The following TPCN2 variants were observed in gnomAD, a reference collection of about 807,000 sequenced individuals.
TPCN2 encodes the protein two pore channel protein 2.
TPCN2 carries 92 observed loss-of-function variants against 111.4 expected under a neutral mutation model. That is an observed-to-expected ratio of 0.83 (90% CI 0.70 to 0.98). TPCN2 has a LOEUF of 0.98. Ranked by LOEUF, TPCN2 falls within the 50% of genes least tolerant of loss-of-function variation. TPCN2 has a pLI of 0.00. For missense variants in TPCN2, 995 were observed against 980.1 expected (o/e 1.02, Z -0.20); for synonymous variants, 405 against 414.5 (o/e 0.98, Z 0.28).
intron 13 of TPCN2, among the ~76,000 whole-genome samples, chr11:69,074,757 G>T (rs1855682287): frequency 6.6e-6 from 1 of 152,158 alleles, no homozygotes; most frequent in Admixed American, 6.5e-5. Flanking sequence ...ATGACTAAAG[G>T]GGCAGGCAGA....
intron 9 of TPCN2, among the ~76,000 whole-genome samples, chr11:69,071,007 T>C (rs1250778214): frequency 9.1e-6 from 1 of 109,418 alleles, no homozygotes; most frequent in African/African-American, 3.6e-5. Context: ...CACCAACAGC[T>C]TCACCCCGGG....
chr11:69,055,433 C>G (rs1854712463), intron 4 of TPCN2, 81 bp downstream of exon 4: 4 of 1,365,208 alleles, frequency 2.9e-6, no homozygotes, highest in South Asian at 1.4e-5. Flanking sequence ...ATTGCTGATT[C>G]TCTGGAGTGA....
Position 69,085,856 on chromosome 11 carries a change from G to T in TPCN2, c.1929G>T (p.Leu643=). ...ANNFDDFAAA[L]VTLWNLMVVN... is the part of the protein sequence containing the mutation. ...GGTCTCTGCCCCCGCAGGCTGCCCT[G>T]GTCACTCTGTGGAACTTGATGGTGG... The change falls in exon 22 of 25, where the codon CTG becomes CTT. Residue 643 remains leucine, a synonymous_variant. Coordinates refer to ENST00000294309, the MANE Select transcript of TPCN2 (RefSeq NM_139075.4). 6.2e-7 allele frequency: 1 copy of T among 1,614,140 alleles called. No homozygotes were observed. Among genetic ancestry groups the T allele is most frequent in the Non-Finnish European group, 8.5e-7 (1 of 1,179,994 alleles).
intron 5 of TPCN2, among the ~76,000 whole-genome samples, chr11:69,059,089 C>T (rs1001912201): frequency 2.6e-5 from 4 of 152,252 alleles, no homozygotes; most frequent in African/African-American, 9.6e-5. Flanking sequence ...CCGCCAGCTC[C>T]CCACCTGGCC....
At chr11:69,085,452 C>T (rs1045857738) in intron 20 of TPCN2, among the ~76,000 whole-genome samples, 166 bp downstream of exon 20, 1 of 152,074 alleles carries the variant, frequency 6.6e-6, no homozygotes, top group Non-Finnish European at 1.5e-5. Context: ...CAATTTCCAC[C>T]TCCGCTCCGC....
intron 5 of TPCN2, among the ~76,000 whole-genome samples, chr11:69,060,280 G>A (rs1332961430): frequency 1.3e-5 from 2 of 152,230 alleles, no homozygotes; most frequent in Non-Finnish European, 2.9e-5. Flanking sequence ...TCTTGATGGA[G>A]GCTGAAATGT....
intron 1 of TPCN2, among the ~76,000 whole-genome samples, chr11:69,049,556 G>A (rs897515818): frequency 7.2e-5 from 11 of 152,248 alleles, no homozygotes; most frequent in African/African-American, 2.4e-4. Flanking sequence ...CTCACAGAGA[G>A]GCGTTACCCT....
Position 69,079,026 on chromosome 11 carries a change from G to A in TPCN2, c.1539+6G>A. ...TCCTCACCGTTGTCCTGCTGGTAAA[G>A]TAGGCGCATCCGAGGCCGGCCTCTA... On this transcript the variant is annotated splice_donor_region_variant and intron_variant, in intron 16 of 24. Transcript: ENST00000294309. The A allele has an allele frequency of 2.5e-6, 4 of 1,606,622 alleles. No individual in the cohort carries two copies. The highest frequency in any genetic ancestry group is 3.4e-6 in the Non-Finnish European group (4 of 1,176,064).
intron 7 of TPCN2, among the ~76,000 whole-genome samples, chr11:69,065,680 G>A (rs377077275): frequency 2.6e-5 from 4 of 152,290 alleles, no homozygotes; most frequent in Admixed American, 6.5e-5. Context: ...TTGTGAGTGC[G>A]GTCCAGAGCC....
At chr11:69,087,809 C>G (rs1856344567) in intron 24 of TPCN2, 66 bp from the exon 25 acceptor site, 1 of 1,364,212 alleles carries the variant, frequency 7.3e-7, no homozygotes, top group South Asian at 1.2e-5. Context: ...CTCCCTTGTT[C>G]TTGTGGGCAG....
chr11:69,084,097 G>A (rs988665133), intron 19 of TPCN2, 81 bp downstream of exon 19: 7 of 1,388,678 alleles, frequency 5.0e-6, no homozygotes, highest in African/African-American at 1.4e-5. Flanking sequence ...GTGCCGGGCC[G>A]GCTCACTGCT....
At chr11:69,067,075 G>T (rs1412372784) in intron 7 of TPCN2, among the ~76,000 whole-genome samples, 1 of 152,214 alleles carries the variant, frequency 6.6e-6, no homozygotes, top group African/African-American at 2.4e-5. Flanking sequence ...AGCCTCTAGA[G>T]CAGGCTTCAC....
chr11:69,078,336 G>A (rs1855875338), intron 13 of TPCN2, 146 bp from the exon 14 acceptor site: 2 of 1,029,556 alleles, frequency 1.9e-6, no homozygotes, highest in Admixed American at 2.7e-5. Flanking sequence ...TTCTGTGTCT[G>A]GGATTATTTC....
chr11:69,053,572 G>A (rs1001053627), intron 1 of TPCN2, among the ~76,000 whole-genome samples: 19 of 152,190 alleles, frequency 1.2e-4, no homozygotes, highest in African/African-American at 4.1e-4. Flanking sequence ...CCCATGTACC[G>A]AGCATGCCTG....
intron 2 of TPCN2, 190 bp downstream of exon 2, chr11:69,054,287 G>A (rs958083666): frequency 3.7e-5 from 22 of 598,800 alleles, no homozygotes; most frequent in East Asian, 2.2e-4. Flanking sequence ...CATCCTGGAC[G>A]CATTTGCTGC....
chr11:69,077,445 G>T (rs1855842716), intron 13 of TPCN2, among the ~76,000 whole-genome samples: 1 of 152,304 alleles, frequency 6.6e-6, no homozygotes, highest in African/African-American at 2.4e-5. Flanking sequence ...CACTGTGGAT[G>T]AGACGCTGAA....
At chr11:69,055,100 G>T in intron 3 of TPCN2, 75 bp from the exon 4 acceptor site, 1 of 1,506,252 alleles carries the variant, frequency 6.6e-7, no homozygotes. Context: ...CTTCGGACTG[G>T]GGAAGCTCCT....
At chr11:69,083,632 G>C (rs1856139595) in intron 18 of TPCN2, among the ~76,000 whole-genome samples, 1 of 152,212 alleles carries the variant, frequency 6.6e-6, no homozygotes, top group Non-Finnish European at 1.5e-5. Context: ...ATGAGGCTGG[G>C]GTGGAGGTGT....
At position 69,054,776 on chromosome 11, in the gene TPCN2, A is replaced by T; in HGVS notation, c.230A>T (p.Tyr77Phe). 1 of 1,614,136 alleles carries T rather than the reference A, an allele frequency of 6.2e-7. No individual in the cohort carries two copies. The highest frequency in any genetic ancestry group is 8.5e-7 in the Non-Finnish European group (1 of 1,179,998). The change falls in exon 3 of 25, where the codon TAT becomes TTT. Residue 77 changes from tyrosine to phenylalanine, a missense_variant. Tyr to Phe is a conservative substitution (Grantham distance 22). Coordinates refer to ENST00000294309, the MANE Select transcript of TPCN2 (RefSeq NM_139075.4). ...DASSMWLYRR[Y>F]YSNVCQRTLS... Reference sequence around the variant, plus strand: ...AGCTCGATGTGGCTTTACCGACGGTATTACTCGAACGTATGCCAACGGTGA... The same window carrying T: ...AGCTCGATGTGGCTTTACCGACGGTTTTACTCGAACGTATGCCAACGGTGA...
Sources: allele counts gnomAD v4.1 joint callset (sites outside exome capture counted in the v4.1 genomes callset), GRCh38; gene constraint gnomAD v4.1.1; transcripts MANE v1.5; gene names NCBI Gene and HGNC (gene_info 2026-07-23, HGNC 2026-07-21).